Variants in GOLGA7B observed in about 807,000 individuals in gnomAD.
GOLGA7B encodes golgin A7 family member B.
A neutral mutation model predicts 21.5 loss-of-function variants in GOLGA7B; 17 were observed. That is an observed-to-expected ratio of 0.79 (90% CI 0.54 to 1.19). The LOEUF is 1.19. Ranked by LOEUF, GOLGA7B falls within the 50% of genes most tolerant of loss-of-function variation. The pLI is 0.00. For synonymous variants in GOLGA7B, 87 were observed against 84.0 expected (o/e 1.04, Z -0.19); for missense variants, 169 against 224.4 (o/e 0.75, Z 1.58).
At position 97,865,767 on chromosome 10, in the gene GOLGA7B, C is replaced by T. The variant is rs1175896861; in HGVS notation, c.*67C>T. On this transcript the variant is annotated 3_prime_UTR_variant, in exon 5 of 5. Transcript: ENST00000370602. ...GGGCCTTGCAGACCTGCGGCGGCTGCGCTACCAGAGCACCCGCTTCTGAGT... is the reference window on the plus strand; with the variant it reads ...GGGCCTTGCAGACCTGCGGCGGCTGTGCTACCAGAGCACCCGCTTCTGAGT... 19 of 1,492,390 alleles carry T rather than the reference C, an allele frequency of 1.3e-5. No homozygotes were observed. The highest frequency in any genetic ancestry group is 4.8e-5 in the East Asian group (2 of 41,260). 92.4% of individuals were successfully genotyped at this position (1,492,390 alleles called of 1,614,324 possible).
chr10:97,866,675 C>T lies in GOLGA7B; in HGVS notation c.*975C>T, dbSNP rs1415570683. 6.6e-6 allele frequency: 1 copy of T among 152,216 alleles called. No homozygotes were observed. The highest frequency in any genetic ancestry group is 1.9e-4 in the East Asian group (1 of 5,182). 9.4% of individuals were successfully genotyped at this position (152,216 alleles called of 1,614,324 possible). A position where few individuals can be genotyped will look rare whatever the true frequency, so the allele number is the denominator to read the frequency against. ...GAATGTGGACACATTTATAAGCACA[C>T]CTGTGTGTGTCTGAGTACATGTGCA... On this transcript the variant is annotated 3_prime_UTR_variant, in exon 5 of 5. Transcript: ENST00000370602.
intron 4 of GOLGA7B, 119 bp from the exon 5 acceptor site, chr10:97,865,471 C>T: frequency 6.6e-7 from 1 of 1,518,666 alleles, no homozygotes; most frequent in Non-Finnish European, 8.9e-7. Context: ...TACATCCCTA[C>T]TGTCTAGGCA....
Position 97,859,800 on chromosome 10 carries a change from G to A in GOLGA7B, c.138+217G>A, listed in dbSNP as rs570468791. Among the ~76,000 whole-genome samples, 317 of 152,340 alleles carry A rather than the reference G, an allele frequency of 2.1e-3. 1 individual carries two copies. The highest frequency in any genetic ancestry group is 7.1e-3 in the African/African-American group (297 of 41,580). On this transcript the variant is annotated intron_variant, in intron 2 of 4. Coordinates refer to ENST00000370602, the MANE Select transcript of GOLGA7B (RefSeq NM_001010917.3). ...GAAAATTAGAGCTGAAGGGATCTCAGGGATTTTCTGGTCTGGCTGCTCTCA... is the reference window on the plus strand; with the variant it reads ...GAAAATTAGAGCTGAAGGGATCTCAAGGATTTTCTGGTCTGGCTGCTCTCA...
At chr10:97,855,834 C>G (rs778105412) in intron 1 of GOLGA7B, among the ~76,000 whole-genome samples, 2 of 152,140 alleles carry the variant, frequency 1.3e-5, no homozygotes, top group Non-Finnish European at 2.9e-5. Flanking sequence ...TCAATGAAAA[C>G]CTTGATTAGA....
rs968388835 is a variant in GOLGA7B, at chr10:97,850,041, T to C, written c.-263T>C. Among the ~76,000 whole-genome samples the C allele has an allele frequency of 2.0e-5, 3 of 148,284 alleles. No individual in the cohort carries two copies. In the East Asian group the frequency reaches 6.1e-4, roughly 30 times the overall value. ...GCCGCGGCAGCGGGCGATCGGGCCG[T>C]GAGGAGCCTCGGGCGCGGCCTCGCC... On this transcript the variant is annotated 5_prime_UTR_variant, in exon 1 of 5. Coordinates refer to ENST00000370602, the MANE Select transcript of GOLGA7B (RefSeq NM_001010917.3).
At position 97,863,997 on chromosome 10, in the gene GOLGA7B, T is replaced by C. The variant is rs760249871; in HGVS notation, c.206T>C (p.Ile69Thr). The C allele has an allele frequency of 6.2e-6, 10 of 1,614,170 alleles. No homozygotes were observed. Among genetic ancestry groups the C allele is most frequent in the South Asian group, 5.5e-5 (5 of 91,062 alleles). Residue 69 changes from isoleucine (I) to threonine (T), a missense_variant, in exon 3 of 5, where the codon ATT becomes ACT. Physicochemically the swap from Ile to Thr is moderately conservative, Grantham distance 89 (BLOSUM62 -1). Transcript: ENST00000370602. ...LNGFYAEAEK[I>T]GGSSYLEGCL... ...GGATTTTACGCAGAGGCTGAGAAGA[T>C]TGGGGGCAGCTCCTACCTCGAGGGC...
Position 97,864,000 on chromosome 10 carries a change from G to A in GOLGA7B, c.209G>A (p.Gly70Glu), listed in dbSNP as rs2049989747. The A allele has an allele frequency of 1.9e-6, 3 of 1,614,042 alleles. No individual in the cohort carries two copies. In the African/African-American group the frequency reaches 4.0e-5, roughly 22 times the overall value. ...NGFYAEAEKIGGSSYLEGCLA... is the reference protein window; with the variant it reads ...NGFYAEAEKIEGSSYLEGCLA... ...TTTTACGCAGAGGCTGAGAAGATTGGGGGCAGCTCCTACCTCGAGGGCTGC... is the reference window on the plus strand; with the variant it reads ...TTTTACGCAGAGGCTGAGAAGATTGAGGGCAGCTCCTACCTCGAGGGCTGC... The change falls in exon 3 of 5, where the codon GGG becomes GAG. Residue 70 changes from glycine (G) to glutamate (E), a missense_variant. Physicochemically the swap from Gly to Glu is moderately conservative, Grantham distance 98. Coordinates refer to ENST00000370602, the MANE Select transcript of GOLGA7B (RefSeq NM_001010917.3).
Position 97,859,481 on chromosome 10 carries a change from G to T in GOLGA7B, c.36G>T (p.Arg12=), listed in dbSNP as rs747038840. ...AGGTCCACAATCTGCAGGAGCTCCG[G>T]CGAAGTGCCTCACTGGCCACCAAGG... ...ATEVHNLQEL[R]RSASLATKVF... Residue 12 remains arginine, a synonymous_variant, in exon 2 of 5, where the codon CGG becomes CGT. Transcript: ENST00000370602. The T allele has an allele frequency of 6.8e-6, 11 of 1,614,132 alleles. No homozygotes were observed. The highest frequency in any genetic ancestry group is 9.3e-6 in the Non-Finnish European group (11 of 1,179,990).
At chr10:97,858,145 C>T (rs2049947885) in intron 1 of GOLGA7B, among the ~76,000 whole-genome samples, 1 of 152,196 alleles carries the variant, frequency 6.6e-6, no homozygotes, top group Non-Finnish European at 1.5e-5. Context: ...TCTGCCTGCC[C>T]CCTGCTACTG....
chr10:97,862,456 A>G (rs2049977007), intron 2 of GOLGA7B, among the ~76,000 whole-genome samples: 1 of 152,232 alleles, frequency 6.6e-6, no homozygotes, highest in South Asian at 2.1e-4. Flanking sequence ...CATGTTATGT[A>G]TATTATATAC....
chr10:97,864,241 C>T lies in GOLGA7B; in HGVS notation c.365C>T (p.Thr122Ile). Residue 122 changes from threonine (T) to isoleucine (I), a missense_variant, in exon 4 of 5, where the codon ACA (threonine) becomes ATA (isoleucine). Physicochemically the swap from Thr to Ile is moderately conservative, Grantham distance 89. Transcript: ENST00000370602. Reference protein sequence around the residue: ...KIFAPRGLLLTDPVERGMRVI... With the variant: ...KIFAPRGLLLIDPVERGMRVI... ...TTTGCACCTCGAGGCCTCCTACTTA[C>T]AGACCCTGTGGAGCGTGGGATGAGG... 1.2e-6 allele frequency: 2 copies of T among 1,614,162 alleles called. No individual in the cohort carries two copies. The highest frequency in any genetic ancestry group is 1.7e-6 in the Non-Finnish European group (2 of 1,179,984).
Position 97,864,338 on chromosome 10 carries a change from C to T in GOLGA7B, c.393+69C>T. On this transcript the variant is annotated intron_variant, in intron 4 of 4. Transcript: ENST00000370602. ...ACCAGTAGAGATCCTGGTGAGGCTGCCAGGAAACGAGGCCACCTTAGGGGC... is the reference window on the plus strand; with the variant it reads ...ACCAGTAGAGATCCTGGTGAGGCTGTCAGGAAACGAGGCCACCTTAGGGGC... The T allele has an allele frequency of 2.2e-6, 3 of 1,386,884 alleles. No homozygotes were observed. In the Admixed American group the frequency reaches 5.4e-5, roughly 25 times the overall value. 85.9% of individuals were successfully genotyped at this position (1,386,884 alleles called of 1,614,324 possible).
chr10:97,866,076 C>T lies in GOLGA7B; in HGVS notation c.*376C>T. 4.2e-6 allele frequency: 1 copy of T among 237,092 alleles called. No individual in the cohort carries two copies. Among genetic ancestry groups the T allele is most frequent in the Non-Finnish European group, 8.2e-6 (1 of 122,098 alleles). The allele number at this position is 237,092 out of a possible 1,614,324, so 14.7% of individuals were successfully genotyped here. A position where few individuals can be genotyped will look rare whatever the true frequency, so the allele number is the denominator to read the frequency against. On this transcript the variant is annotated 3_prime_UTR_variant, in exon 5 of 5. Transcript: ENST00000370602. ...GCCGAGGCCTGCCACATAGAGGACT[C>T]CCACACTGCATGACCCCTCATCCCA...
At chr10:97,853,172 G>A (rs902211159) in intron 1 of GOLGA7B, among the ~76,000 whole-genome samples, 3 of 152,188 alleles carry the variant, frequency 2.0e-5, no homozygotes, top group Non-Finnish European at 4.4e-5. Context: ...GAAGAAGGGA[G>A]GTCTTGTGGC....
chr10:97,850,937 A>G (rs1470649755), intron 1 of GOLGA7B, among the ~76,000 whole-genome samples: 2 of 147,840 alleles, frequency 1.4e-5, no homozygotes, highest in African/African-American at 5.1e-5. Context: ...TTCAAGGTGC[A>G]CTGATAGGTG....
chr10:97,858,951 T>C (rs1217818890), intron 1 of GOLGA7B, among the ~76,000 whole-genome samples: 1 of 152,240 alleles, frequency 6.6e-6, no homozygotes, highest in East Asian at 1.9e-4. Flanking sequence ...AAGTGAACGC[T>C]TGGTACTTGG....
intron 1 of GOLGA7B, among the ~76,000 whole-genome samples, chr10:97,850,871 T>G (rs1295837867): frequency 6.6e-6 from 1 of 151,824 alleles, no homozygotes; most frequent in Non-Finnish European, 1.5e-5. Context: ...TTTTTTTTTT[T>G]TTTTTGTCCC....
chr10:97,850,397 G>A lies in GOLGA7B; in HGVS notation c.12+82G>A, dbSNP rs2049897809. Reference sequence around the variant, plus strand: ...CTAGGGGTGGGCTGGGCAGGAGTGGGAGGCGGGAGTTGGGGGTGGGATGGG... The same window carrying A: ...CTAGGGGTGGGCTGGGCAGGAGTGGAAGGCGGGAGTTGGGGGTGGGATGGG... On this transcript the variant is annotated intron_variant, in intron 1 of 4. Transcript: ENST00000370602. The A allele has an allele frequency of 3.3e-6, 4 of 1,196,536 alleles. No individual in the cohort carries two copies. In the South Asian group the frequency reaches 5.8e-5, roughly 17 times the overall value. 74.1% of individuals were successfully genotyped at this position (1,196,536 alleles called of 1,614,324 possible). A position where few individuals can be genotyped will look rare whatever the true frequency, so the allele number is the denominator to read the frequency against.
In GOLGA7B at chr10:97,859,511, T is replaced by C; in HGVS notation, c.66T>C (p.Phe22=). The change falls in exon 2 of 5, where the codon TTT becomes TTC. Residue 22 remains phenylalanine (F), a synonymous_variant. Coordinates refer to ENST00000370602, the MANE Select transcript of GOLGA7B (RefSeq NM_001010917.3). ...RRSASLATKV[F]IQRDYSDGTI... is the part of the protein sequence containing the mutation. ...GTGCCTCACTGGCCACCAAGGTCTT[T>C]ATCCAGAGAGACTACAGCGATGGGA... The C allele has an allele frequency of 6.2e-7, 1 of 1,614,150 alleles. No individual in the cohort carries two copies.
Sources: allele counts gnomAD v4.1 joint callset (sites outside exome capture counted in the v4.1 genomes callset), GRCh38; gene constraint gnomAD v4.1.1; transcripts MANE v1.5; gene names NCBI Gene and HGNC (gene_info 2026-07-23, HGNC 2026-07-21).